GPM6A: variants seen among roughly 807,000 people sequenced by gnomAD.
GPM6A encodes the protein neuronal membrane glycoprotein M6-a.
In GPM6A, 7 loss-of-function variants were observed where a neutral mutation model predicts 32.1. The observed-to-expected ratio is 0.22, with a 90% CI of 0.12 to 0.41. The LOEUF (loss-of-function observed/expected upper bound fraction) is 0.41. Ranked by LOEUF, GPM6A falls within the 10% of genes least tolerant of loss-of-function variation. GPM6A has a pLI of 1.00. For missense variants in GPM6A, 235 were observed against 347.2 expected (o/e 0.68, Z 2.57); for synonymous variants, 130 against 123.4 (o/e 1.05, Z -0.35).
intron 1 of GPM6A, among the ~76,000 whole-genome samples, chr4:175,802,389 C>G (rs780722728): frequency 3.2e-4 from 49 of 152,078 alleles, no homozygotes; most frequent in Non-Finnish European, 6.3e-4. Flanking sequence ...GATGGAAATA[C>G]TCTTCCGATA....
Position 175,651,925 on chromosome 4 carries a change from C to T in GPM6A, c.450G>A (p.Leu150=). 2 of 1,612,364 alleles carry T rather than the reference C, an allele frequency of 1.2e-6. No homozygotes were observed. Among genetic ancestry groups the T allele is most frequent in the African/African-American group, 2.7e-5 (2 of 74,930 alleles). Residue 150 remains leucine, a synonymous_variant, in exon 4 of 7, where the codon CTG becomes CTA. Transcript: ENST00000393658. ...AWLGVTAFTS[L]PVYMYFNLWT... ...ACAGATTGAAGTACATGTAAACTGG[C>T]AGTGAGGTGAAAGCCGTGACTCCCA...
intron 4 of GPM6A, among the ~76,000 whole-genome samples, chr4:175,645,558 T>TA (rs1165069647): frequency 2.6e-5 from 4 of 151,870 alleles, no homozygotes; most frequent in Admixed American, 6.6e-5. Flanking sequence ...CCGTCTCTAC[T>TA]AAAAAAACAA....
intron 1 of GPM6A, among the ~76,000 whole-genome samples, chr4:175,975,088 G>A (rs745935868): frequency 2.0e-5 from 3 of 152,122 alleles, no homozygotes; most frequent in Non-Finnish European, 4.4e-5. Flanking sequence ...ACAAGCTAGT[G>A]CCTGCCTGCA....
upstream of GPM6A, chr4:176,002,349 G>C (rs1561030756): frequency 6.3e-7 from 1 of 1,581,460 alleles, no homozygotes; most frequent in Non-Finnish European, 8.6e-7. Context: ...CCCCAGAGGA[G>C]AGCGAGTGAC....
At chr4:175,829,273 T>A (rs568863388) in intron 1 of GPM6A, among the ~76,000 whole-genome samples, 1 of 152,232 alleles carries the variant, frequency 6.6e-6, no homozygotes, top group East Asian at 1.9e-4. Context: ...AAATAGAAAA[T>A]GGACTCGATA....
chr4:175,897,373 G>C (rs1013724466), intron 1 of GPM6A, among the ~76,000 whole-genome samples: 5 of 152,136 alleles, frequency 3.3e-5, no homozygotes, highest in African/African-American at 9.7e-5. Flanking sequence ...GCCTCCCATT[G>C]ATGGAATAAT....
chr4:176,002,210 A>G (rs1355326445), intron 1 of GPM6A: 1 of 1,271,872 alleles, frequency 7.9e-7, no homozygotes, highest in Non-Finnish European at 1.1e-6. Flanking sequence ...GCTGGGAAGG[A>G]CGCAGTCTGA....
At chr4:175,776,481 G>A (rs1733399877) in intron 1 of GPM6A, among the ~76,000 whole-genome samples, 1 of 152,066 alleles carries the variant, frequency 6.6e-6, no homozygotes, top group African/African-American at 2.4e-5. Context: ...TCGAGCTGCT[G>A]CCAAAAAAGT....
At chr4:175,757,351 C>G (rs1408911338) in intron 1 of GPM6A, among the ~76,000 whole-genome samples, 1 of 152,068 alleles carries the variant, frequency 6.6e-6, no homozygotes, top group African/African-American at 2.4e-5. Context: ...ATGACTACAG[C>G]CACCATTCAC....
chr4:175,909,053 C>T (rs1197569866), intron 1 of GPM6A, among the ~76,000 whole-genome samples: 2 of 77,760 alleles, frequency 2.6e-5, no homozygotes, highest in Non-Finnish European at 4.9e-5. Flanking sequence ...GGGGGGGGGG[C>T]AACTAGCTCA....
At chr4:175,757,058 C>A (rs1732556149) in intron 1 of GPM6A, among the ~76,000 whole-genome samples, 2 of 152,132 alleles carry the variant, frequency 1.3e-5, no homozygotes, top group South Asian at 4.2e-4. Context: ...GGTATTCATG[C>A]CCTTAGATAG....
intron 1 of GPM6A, among the ~76,000 whole-genome samples, chr4:175,743,409 TAACA>T (rs1343238281): frequency 2.0e-5 from 3 of 151,774 alleles, no homozygotes; most frequent in African/African-American, 4.8e-5. Flanking sequence ...GAATTAATAC[TAACA>T]AACTAATAAA....
At chr4:175,859,051 A>C (rs1214824310) in intron 1 of GPM6A, among the ~76,000 whole-genome samples, 1 of 152,170 alleles carries the variant, frequency 6.6e-6, no homozygotes, top group Non-Finnish European at 1.5e-5. Flanking sequence ...AAGATTAGTG[A>C]TTGCCTGGGG....
chr4:175,861,749 G>GAAAAAAAAA (rs10716525), intron 1 of GPM6A, among the ~76,000 whole-genome samples: 3 of 87,236 alleles, frequency 3.4e-5, no homozygotes, highest in East Asian at 3.3e-4. Flanking sequence ...AAGAGACTCT[G>GAAAAAAAAA]AAAAAAAAAA....
chr4:175,977,866 A>G (rs1179902767), intron 1 of GPM6A, among the ~76,000 whole-genome samples: 1 of 151,918 alleles, frequency 6.6e-6, no homozygotes, highest in Non-Finnish European at 1.5e-5. Context: ...TCCCAACTGA[A>G]CTCTTTTTAA....
chr4:175,728,820 T>C (rs1731287918), intron 1 of GPM6A, among the ~76,000 whole-genome samples: 2 of 152,188 alleles, frequency 1.3e-5, no homozygotes, highest in Admixed American at 1.3e-4. Flanking sequence ...TGAAGGTGTA[T>C]TCAGCCTCAC....
intron 1 of GPM6A, among the ~76,000 whole-genome samples, chr4:176,001,190 C>A (rs897126123): frequency 3.9e-5 from 6 of 152,192 alleles, no homozygotes; most frequent in African/African-American, 1.4e-4. Flanking sequence ...TCAACCCGAG[C>A]ACGTCAGTCC....
chr4:175,953,075 T>C (rs996869412), intron 1 of GPM6A, among the ~76,000 whole-genome samples: 2 of 147,642 alleles, frequency 1.4e-5, no homozygotes, highest in African/African-American at 5.0e-5. Context: ...AAAACAGAAA[T>C]CCCCTTGCCT....
intron 6 of GPM6A, among the ~76,000 whole-genome samples, chr4:175,638,203 TAA>T (rs1015926375): frequency 3.3e-5 from 5 of 151,474 alleles, no homozygotes; most frequent in African/African-American, 7.3e-5. Flanking sequence ...TTTTTAATAT[TAA>T]GTTTTTAAGA....
Sources: gnomAD v4.1 joint callset for allele counts (sites outside exome capture counted in the v4.1 genomes callset) on GRCh38, gnomAD v4.1.1 for gene constraint, MANE v1.5 for transcripts, NCBI Gene and HGNC (gene_info 2026-07-23, HGNC 2026-07-21) for gene names.